The following CLIC5 variants were observed in gnomAD, a reference collection of about 807,000 sequenced individuals.
CLIC5 encodes chloride intracellular channel protein 5.
A neutral mutation model predicts 24.7 loss-of-function variants in CLIC5; 20 were observed. The ratio of observed to expected loss-of-function variants is 0.81; its 90% confidence interval spans 0.57 to 1.18. The LOEUF (loss-of-function observed/expected upper bound fraction) is 1.18, where lower values mean the gene tolerates loss of function less well. CLIC5 is among the 50% of genes most tolerant of loss of function. CLIC5 has a pLI of 0.00. For missense variants in CLIC5, 341 were observed against 326.1 expected (o/e 1.05, Z -0.35); for synonymous variants, 159 against 135.6 (o/e 1.17, Z -1.20).
At chr6:45,909,010 C>A (rs566855102) in intron 5 of CLIC5, among the ~76,000 whole-genome samples, 2 of 149,044 alleles carry the variant, frequency 1.3e-5, no homozygotes, top group South Asian at 4.3e-4. Context: ...GTAGTCACCC[C>A]TTTACTATTA....
chr6:46,079,788 G>T lies in CLIC5; in HGVS notation c.455C>A (p.Thr152Asn), dbSNP rs1469283310. ...AGCATCAGAATAGCAGGAATACTTG[G>T]TGGTAGAGAAGGCCTTACTGTGCTG... The change falls in exon 1 of 6, where the codon ACC becomes AAC. Residue 152 changes from threonine (T) to asparagine (N), a missense_variant. Coordinates refer to the CLIC5 transcript ENST00000185206. The T allele has an allele frequency of 1.9e-6, 3 of 1,552,116 alleles. No individual in the cohort carries two copies. In the Admixed American group the frequency reaches 5.9e-5, roughly 30 times the overall value.
At chr6:46,082,338 T>C (rs1762941864), upstream of CLIC5, among the ~76,000 whole-genome samples, 1 of 152,174 alleles carries the variant, frequency 6.6e-6, no homozygotes, top group African/African-American at 2.4e-5. Flanking sequence ...TTAGAACACA[T>C]CTATCATGAT....
In CLIC5 at chr6:46,015,466, G is replaced by A; in HGVS notation, c.63+14C>T. 1 of 1,514,390 alleles carries A rather than the reference G, an allele frequency of 6.6e-7. No homozygotes were observed. The highest frequency in any genetic ancestry group is 1.4e-5 in the African/African-American group (1 of 70,844). The allele number at this position is 1,514,390 out of a possible 1,614,324, so 93.8% of individuals were successfully genotyped here. On this transcript the variant is annotated intron_variant, in intron 1 of 5. Transcript: ENST00000339561. Reference sequence around the variant, plus strand: ...GGCGCGGCAGGTGCGGCGGGAGACTGGACCCCGACCTACCTTCACAAAGAG... The same window carrying A: ...GGCGCGGCAGGTGCGGCGGGAGACTAGACCCCGACCTACCTTCACAAAGAG...
chr6:46,026,201 A>AATT (rs972411879), intron 1 of CLIC5, among the ~76,000 whole-genome samples: 2 of 152,118 alleles, frequency 1.3e-5, no homozygotes, highest in Non-Finnish European at 2.9e-5. Flanking sequence ...GTCTAGCCTG[A>AATT]ATTATTATTA....
intron 4 of CLIC5, among the ~76,000 whole-genome samples, chr6:45,917,661 G>A (rs561341195): frequency 5.9e-5 from 9 of 152,206 alleles, no homozygotes; most frequent in South Asian, 2.1e-4. Flanking sequence ...CCATATTATC[G>A]GATAGCAAAT....
chr6:45,935,973 A>T (rs1763916213), intron 4 of CLIC5, among the ~76,000 whole-genome samples: 1 of 151,940 alleles, frequency 6.6e-6, no homozygotes, highest in Non-Finnish European at 1.5e-5. Context: ...TCCCATCTTT[A>T]TGCCCTCCCC....
Position 46,028,841 on chromosome 6 carries a change from T to C in CLIC5, c.540+50862A>G, listed in dbSNP as rs1767417725. 2.0e-5 allele frequency among the ~76,000 whole-genome samples: 3 copies of C among 152,188 alleles called. No individual in the cohort carries two copies. In the South Asian group the frequency reaches 6.2e-4, roughly 32 times the overall value. ...CAAAGTCCATAGTTTCATTAGATAG[T>C]TTACATTTACTCTTGGTATTATACA... On this transcript the variant is annotated intron_variant, in intron 1 of 5. Coordinates refer to the CLIC5 transcript ENST00000185206.
intron 6 of CLIC5, among the ~76,000 whole-genome samples, chr6:45,886,468 C>T (rs1198095382): frequency 1.3e-5 from 2 of 152,178 alleles, no homozygotes; most frequent in African/African-American, 4.8e-5. Context: ...ATTTTAAGGC[C>T]ACCTGTTGAG....
chr6:46,020,265 C>T (rs887723510), upstream of CLIC5, among the ~76,000 whole-genome samples: 3 of 151,942 alleles, frequency 2.0e-5, no homozygotes, highest in Non-Finnish European at 2.9e-5. Flanking sequence ...AATTAATATC[C>T]AGAAAGATAT....
chr6:46,014,068 G>A (rs1023811135), intron 1 of CLIC5, among the ~76,000 whole-genome samples: 1 of 152,164 alleles, frequency 6.6e-6, no homozygotes, highest in Non-Finnish European at 1.5e-5. Context: ...AGAAACCAAA[G>A]GAGCACACAG....
rs546941322 is a variant in CLIC5 at position 46,077,006 on chromosome 6, G to A, written c.540+2697C>T. Among the ~76,000 whole-genome samples, 13 of 152,010 alleles carry A rather than the reference G, an allele frequency of 8.6e-5. No individual in the cohort carries two copies. The South Asian group carries it at 2.5e-3, about 29-fold the overall frequency. ...ACAAAAATTACCTGGGCATGGTGGC[G>A]CATGCCTGTAATCTAAGCTACTCGG... On this transcript the variant is annotated intron_variant, in intron 1 of 5. Coordinates refer to the CLIC5 transcript ENST00000185206.
chr6:46,117,468 T>C, the CLIC5 span, among the ~76,000 whole-genome samples: 1 of 152,236 alleles, frequency 6.6e-6, no homozygotes, highest in African/African-American at 2.4e-5. Flanking sequence ...TTACTCTATC[T>C]GGACTCAACC....
intron 4 of CLIC5, among the ~76,000 whole-genome samples, chr6:45,921,624 A>C (rs1763264549): frequency 3.0e-5 from 2 of 65,836 alleles, no homozygotes; most frequent in African/African-American, 1.3e-4. Context: ...GAGAAGAGAT[A>C]GCTCAAGGCA....
At chr6:45,893,449 G>A (rs1762369786) in intron 6 of CLIC5, among the ~76,000 whole-genome samples, 1 of 152,040 alleles carries the variant, frequency 6.6e-6, no homozygotes, top group Non-Finnish European at 1.5e-5. Flanking sequence ...TCTTATTTTT[G>A]AGGCCACAGT....
At chr6:45,973,151 G>A (rs988154031) in intron 1 of CLIC5, among the ~76,000 whole-genome samples, 1 of 152,130 alleles carries the variant, frequency 6.6e-6, no homozygotes, top group Non-Finnish European at 1.5e-5. Flanking sequence ...TGTTCATCTC[G>A]AACAGGCCCC....
intron 1 of CLIC5, among the ~76,000 whole-genome samples, chr6:45,964,857 A>G (rs1361287810): frequency 6.6e-6 from 1 of 152,200 alleles, no homozygotes; most frequent in African/African-American, 2.4e-5. Context: ...ACTCACATAC[A>G]CACTTAGCTT....
intron 1 of CLIC5, among the ~76,000 whole-genome samples, chr6:46,074,762 G>A (rs747623667): frequency 3.9e-5 from 6 of 152,180 alleles, no homozygotes; most frequent in Non-Finnish European, 8.8e-5. Context: ...AATAGGTGGT[G>A]CCATATACAC....
chr6:46,032,533 C>T (rs1330763419), intron 1 of CLIC5, among the ~76,000 whole-genome samples: 1 of 152,188 alleles, frequency 6.6e-6, no homozygotes, highest in African/African-American at 2.4e-5. Context: ...TGGGGAAAGG[C>T]CAAGGCATGC....
intron 1 of CLIC5, among the ~76,000 whole-genome samples, chr6:45,958,487 G>T (rs1764741758): frequency 1.8e-5 from 1 of 55,202 alleles, no homozygotes; most frequent in Non-Finnish European, 3.7e-5. Flanking sequence ...AACAGCTAAT[G>T]GCAAACTTCC....
Sources: gnomAD v4.1 joint callset for allele counts (sites outside exome capture counted in the v4.1 genomes callset) on GRCh38, gnomAD v4.1.1 for gene constraint, MANE v1.5 for transcripts, NCBI Gene and HGNC (gene_info 2026-07-23, HGNC 2026-07-21) for gene names.